The following NBAS variants were observed in gnomAD, a reference collection of about 807,000 sequenced individuals.
NBAS encodes NAG/BC035112 fusion.
NBAS carries 219 observed loss-of-function variants against 302.5 expected under a neutral mutation model. The observed-to-expected ratio is 0.72, with a 90% CI of 0.65 to 0.81. NBAS has a LOEUF of 0.81. Among genes scored for constraint, NBAS ranks in the 30% least tolerant of loss-of-function variants. The pLI is 0.00. For missense variants in NBAS, 2,932 were observed against 2,841.6 expected (o/e 1.03, Z -0.72); for synonymous variants, 1,118 against 1,021.6 (o/e 1.09, Z -1.80).
the NBAS span, among the ~76,000 whole-genome samples, chr2:15,021,906 T>C: frequency 1 from 151,679 of 152,314 alleles, 75,527 homozygotes; most frequent in Middle Eastern, 1. Flanking sequence ...CATCTCTGAC[T>C]TTGAGGGTTC....
chr2:15,141,013 G>A, the NBAS span, among the ~76,000 whole-genome samples: 6 of 152,268 alleles, frequency 3.9e-5, no homozygotes, highest in African/African-American at 1.4e-4. Flanking sequence ...TTCAATAAAT[G>A]TACACTATTA....
chr2:15,376,675 G>A (rs935238956), intron 30 of NBAS, among the ~76,000 whole-genome samples: 6 of 151,898 alleles, frequency 4.0e-5, no homozygotes, highest in Non-Finnish European at 7.4e-5. Context: ...AGTCATCTGG[G>A]GGAAAATGAA....
At chr2:15,009,505 C>G in the NBAS span, among the ~76,000 whole-genome samples, 1 of 151,410 alleles carries the variant, frequency 6.6e-6, no homozygotes, top group Non-Finnish European at 1.5e-5. Context: ...CTCAAGTGGG[C>G]TCAGTAAATA....
intron 40 of NBAS, among the ~76,000 whole-genome samples, chr2:15,297,858 G>C (rs1381754716): frequency 6.6e-6 from 1 of 151,950 alleles, no homozygotes; most frequent in Non-Finnish European, 1.5e-5. Flanking sequence ...ATATGTGCTT[G>C]TGTCTGTGTG....
chr2:15,439,236 G>A (rs1678204071), intron 21 of NBAS, among the ~76,000 whole-genome samples: 1 of 151,236 alleles, frequency 6.6e-6, no homozygotes, highest in Non-Finnish European at 1.5e-5. Context: ...CGGGAGGTGG[G>A]GCTTGCAGTG....
At chr2:15,095,714 T>C in the NBAS span, among the ~76,000 whole-genome samples, 1 of 152,132 alleles carries the variant, frequency 6.6e-6, no homozygotes, top group Non-Finnish European at 1.5e-5. Context: ...ACGCCCCTCT[T>C]ACTCCCACAT....
At chr2:15,017,681 G>A in the NBAS span, among the ~76,000 whole-genome samples, 1 of 151,948 alleles carries the variant, frequency 6.6e-6, no homozygotes, top group East Asian at 1.9e-4. Flanking sequence ...TGAAGATGTG[G>A]AGATTAGGGA....
chr2:15,066,409 C>T, the NBAS span, among the ~76,000 whole-genome samples: 2 of 152,070 alleles, frequency 1.3e-5, no homozygotes, highest in African/African-American at 4.8e-5. Flanking sequence ...AACCATCACA[C>T]AGTGAAAAGG....
intron 40 of NBAS, among the ~76,000 whole-genome samples, chr2:15,298,186 A>C (rs1670637344): frequency 6.6e-6 from 1 of 152,186 alleles, no homozygotes; most frequent in Non-Finnish European, 1.5e-5. Context: ...CTCTACGAGA[A>C]ATAAGTAAGA....
At chr2:14,888,466 A>G in the NBAS span, among the ~76,000 whole-genome samples, 3 of 148,664 alleles carry the variant, frequency 2.0e-5, no homozygotes, top group East Asian at 5.9e-4. Flanking sequence ...TTTTTTTTTT[A>G]TTGACCATAG....
At chr2:15,435,626 G>A (rs745356159) in intron 21 of NBAS, among the ~76,000 whole-genome samples, 4 of 152,094 alleles carry the variant, frequency 2.6e-5, no homozygotes, top group Admixed American at 6.5e-5. Context: ...CAGAGTCTAC[G>A]CTCTCAGCCA....
chr2:15,533,381 TAGG>T (rs1007818043), intron 9 of NBAS, among the ~76,000 whole-genome samples: 8 of 152,148 alleles, frequency 5.3e-5, no homozygotes, highest in African/African-American at 1.9e-4. Context: ...TTTTCATCTA[TAGG>T]AGAATGAATA....
intron 19 of NBAS, among the ~76,000 whole-genome samples, chr2:15,464,935 A>G (rs1487544623): frequency 6.6e-6 from 1 of 152,236 alleles, no homozygotes; most frequent in African/African-American, 2.4e-5. Flanking sequence ...ACTGATTATC[A>G]GCATGGGCTA....
intron 48 of NBAS, among the ~76,000 whole-genome samples, chr2:15,191,948 T>G (rs778097520): frequency 1.8e-4 from 27 of 152,200 alleles, no homozygotes; most frequent in Non-Finnish European, 3.8e-4. Context: ...CATTCTGATC[T>G]GTTTCCTCTG....
the NBAS span, among the ~76,000 whole-genome samples, chr2:14,899,364 A>C: frequency 1.4e-5 from 2 of 147,696 alleles, no homozygotes; most frequent in Non-Finnish European, 3.0e-5. Flanking sequence ...TCACTAAATA[A>C]ATGTCAAATG....
the NBAS span, among the ~76,000 whole-genome samples, chr2:14,884,160 T>G: frequency 6.6e-6 from 1 of 152,080 alleles, no homozygotes; most frequent in Non-Finnish European, 1.5e-5. Context: ...ATCCTTCTCA[T>G]GATGGCAAGC....
At chr2:14,949,467 C>A in the NBAS span, among the ~76,000 whole-genome samples, 3,448 of 152,126 alleles carry the variant, frequency 0.023, 156 homozygotes, top group African/African-American at 0.08. Context: ...ATACATATGG[C>A]CAACAGGTAT....
At chr2:15,169,938 C>T (rs1664216025) in intron 51 of NBAS, among the ~76,000 whole-genome samples, 1 of 152,208 alleles carries the variant, frequency 6.6e-6, no homozygotes, top group African/African-American at 2.4e-5. Context: ...CAAAGAATCC[C>T]CCTGCCTAAC....
At chr2:15,095,713 T>C in the NBAS span, among the ~76,000 whole-genome samples, 1 of 152,180 alleles carries the variant, frequency 6.6e-6, no homozygotes, top group Non-Finnish European at 1.5e-5. Flanking sequence ...AACGCCCCTC[T>C]TACTCCCACA....
Sources: allele counts gnomAD v4.1 joint callset (sites outside exome capture counted in the v4.1 genomes callset), GRCh38; gene constraint gnomAD v4.1.1; transcripts MANE v1.5; gene names NCBI Gene and HGNC (gene_info 2026-07-23, HGNC 2026-07-21).